Variants in NAP1L1 observed in about 807,000 individuals in gnomAD.
The protein encoded by NAP1L1 is nucleosome assembly protein 1 like 1.
A neutral mutation model predicts 58.9 loss-of-function variants in NAP1L1; 9 were observed. The ratio of observed to expected loss-of-function variants is 0.15; its 90% confidence interval spans 0.09 to 0.27. NAP1L1 has a LOEUF of 0.27. NAP1L1 is among the 10% of genes least tolerant of loss of function. The probability of loss-of-function intolerance (pLI) is 1.00; values close to 1 mark genes in which losing one functional copy is unlikely to be tolerated. For missense variants in NAP1L1, 302 were observed against 458.8 expected (o/e 0.66, Z 3.12); for synonymous variants, 130 against 138.3 (o/e 0.94, Z 0.42).
Position 76,055,143 on chromosome 12 carries a change from T to C in NAP1L1, c.559-53A>G, listed in dbSNP as rs973541804. On this transcript the variant is annotated intron_variant, in intron 7 of 14. Transcript: ENST00000618691. ...AATAACATGGCATTCGAGGACTGTG[T>C]TCTGTTACTACACAAACACCAGCTG... 1.1e-5 allele frequency: 14 copies of C among 1,271,150 alleles called. No homozygotes were observed. In the African/African-American group the frequency reaches 2.1e-4, roughly 19 times the overall value. The allele number at this position is 1,271,150 out of a possible 1,614,324, so 78.7% of individuals were successfully genotyped here. A position where few individuals can be genotyped will look rare whatever the true frequency, so the allele number is the denominator to read the frequency against.
chr12:76,048,656 G>A (rs1392277418), intron 14 of NAP1L1, among the ~76,000 whole-genome samples, 192 bp from the exon 15 acceptor site: 2 of 151,974 alleles, frequency 1.3e-5, no homozygotes, highest in African/African-American at 4.8e-5. Flanking sequence ...ACTTTACACT[G>A]TAGAATTAAC....
chr12:76,074,292 A>T, intron 1 of NAP1L1, 53 bp from the exon 2 acceptor site: 1 of 1,505,686 alleles, frequency 6.6e-7, no homozygotes, highest in Non-Finnish European at 8.8e-7. Context: ...TATTAAAAAA[A>T]AATAAGAAAC....
rs143604052 is a variant in NAP1L1 at position 76,076,826 on chromosome 12, C to T, written c.-20-2587G>A. Among the ~76,000 whole-genome samples, 631 of 152,036 alleles carry T rather than the reference C, an allele frequency of 4.2e-3. 3 individuals are homozygous for T. Among genetic ancestry groups the T allele is most frequent in the African/African-American group, 0.014 (577 of 41,446 alleles). Reference sequence around the variant, plus strand: ...ACTTACACAAACCTAGATGGTATAGCCTACTACGCACCTAGGCTATGATAT... The same window carrying T: ...ACTTACACAAACCTAGATGGTATAGTCTACTACGCACCTAGGCTATGATAT... On this transcript the variant is annotated intron_variant, in intron 1 of 14. Coordinates refer to ENST00000618691, the MANE Select transcript of NAP1L1 (RefSeq NM_004537.7).
At chr12:76,069,471 A>G (rs1196332310) in intron 2 of NAP1L1, among the ~76,000 whole-genome samples, 1 of 152,234 alleles carries the variant, frequency 6.6e-6, no homozygotes, top group African/African-American at 2.4e-5. Context: ...GATGGTAGAT[A>G]GCTGGGAAGC....
In NAP1L1 at chr12:76,037,506, T is replaced by C. The variant is rs1206130063; in HGVS notation, c.*10923A>G. The C allele has an allele frequency of 6.6e-6, 1 of 152,286 alleles. No homozygotes were observed. Among genetic ancestry groups the C allele is most frequent in the East Asian group, 1.9e-4 (1 of 5,198 alleles). The allele number at this position is 152,286 out of a possible 1,614,324, so 9.4% of individuals were successfully genotyped here. A position where few individuals can be genotyped will look rare whatever the true frequency, so the allele number is the denominator to read the frequency against. On this transcript the variant is annotated 3_prime_UTR_variant, in exon 15 of 15. Coordinates refer to ENST00000618691, the MANE Select transcript of NAP1L1 (RefSeq NM_004537.7). ...CTGATCCATACTCATACACATGGCC[T>C]TCAGTTTTACTCTTAAAACATGACA... is the stretch of plus-strand genomic sequence containing the variant.
At chr12:76,065,417 T>C (rs762544595) in intron 4 of NAP1L1, among the ~76,000 whole-genome samples, 2 of 151,844 alleles carry the variant, frequency 1.3e-5, no homozygotes, top group East Asian at 1.9e-4. Context: ...TAATGTAATG[T>C]GGAAGAACAG....
At chr12:76,057,447 G>A in intron 6 of NAP1L1, 1 of 598,052 alleles carries the variant, frequency 1.7e-6, no homozygotes, top group Non-Finnish European at 3.0e-6. Context: ...GGAGGCCCTG[G>A]CCGGGGAAAC....
chr12:76,076,662 C>G (rs1950194878), intron 1 of NAP1L1, among the ~76,000 whole-genome samples: 1 of 148,554 alleles, frequency 6.7e-6, no homozygotes, highest in Admixed American at 6.8e-5. Context: ...AAAAACCTAA[C>G]CAGAGTAACC....
intron 11 of NAP1L1, among the ~76,000 whole-genome samples, chr12:76,051,285 G>A (rs973504705): frequency 1.3e-5 from 2 of 150,956 alleles, no homozygotes; most frequent in East Asian, 1.9e-4. Context: ...TTACATGTCC[G>A]CAATTTTCCT....
chr12:76,081,294 T>C (rs1950398520), intron 1 of NAP1L1, among the ~76,000 whole-genome samples: 1 of 152,184 alleles, frequency 6.6e-6, no homozygotes. Flanking sequence ...AAAATGTTGA[T>C]GCTACCTGTC....
rs1565744852 is a variant in NAP1L1, at chr12:76,074,181, GAACC to G, written c.17+18_17+21del. 4 of 1,573,138 alleles carry G rather than the reference GAACC, an allele frequency of 2.5e-6. No homozygotes were observed. The highest frequency in any genetic ancestry group is 2.7e-5 in the African/African-American group (2 of 73,740). On this transcript the variant is annotated intron_variant, in intron 2 of 14. Transcript: ENST00000618691. ...AAAGTGATGCCAAATCTCTGAAAAAGAACCAACTCTCTGCCACTTACTTGTCAAT... is the reference window on the plus strand; with the variant it reads ...AAAGTGATGCCAAATCTCTGAAAAAGAACTCTCTGCCACTTACTTGTCAAT...
chr12:76,063,446 T>C lies in NAP1L1; in HGVS notation c.207-3167A>G, dbSNP rs191099517. ...AAATAAATTAAAAAATAGAGAAAGA[T>C]GGCAGCAATAAATCCAAAAACAATA... On this transcript the variant is annotated intron_variant, in intron 4 of 14. Coordinates refer to ENST00000618691, the MANE Select transcript of NAP1L1 (RefSeq NM_004537.7). Among the ~76,000 whole-genome samples the C allele has an allele frequency of 6.1e-3, 933 of 152,274 alleles. 12 individuals are homozygous for C. Among genetic ancestry groups the C allele is most frequent in the Admixed American group, 0.018 (283 of 15,300 alleles).
chr12:76,084,352 G>A (rs1481913570), intron 1 of NAP1L1, among the ~76,000 whole-genome samples: 8 of 152,096 alleles, frequency 5.3e-5, no homozygotes, highest in Admixed American at 5.2e-4. Context: ...AGCCGTCCCC[G>A]ATAAAAGCGC....
At chr12:76,069,831 A>C (rs1462776259) in intron 2 of NAP1L1, among the ~76,000 whole-genome samples, 2 of 152,134 alleles carry the variant, frequency 1.3e-5, no homozygotes, top group Non-Finnish European at 2.9e-5. Flanking sequence ...TCTTAAAAAA[A>C]AAAAATCACC....
At chr12:76,068,739 C>G in intron 3 of NAP1L1, 170 bp downstream of exon 3, 1 of 370,484 alleles carries the variant, frequency 2.7e-6, no homozygotes, top group Non-Finnish European at 4.9e-6. Flanking sequence ...GCCCCTTACA[C>G]ACACACACAC....
At chr12:76,078,549 T>C (rs968769122) in intron 1 of NAP1L1, among the ~76,000 whole-genome samples, 3 of 152,190 alleles carry the variant, frequency 2.0e-5, no homozygotes, top group Non-Finnish European at 2.9e-5. Context: ...CCTACAGACA[T>C]AGTAAGCCTG....
At chr12:76,052,266 CAAAA>C (rs546950800) in intron 11 of NAP1L1, among the ~76,000 whole-genome samples, 5 of 150,484 alleles carry the variant, frequency 3.3e-5, no homozygotes, top group African/African-American at 1.2e-4. Flanking sequence ...AACAAACAAA[CAAAA>C]AAAAACCCCA....
rs1948581870 is a variant in NAP1L1 at position 76,044,696 on chromosome 12, G to A, written c.*3733C>T. The A allele has an allele frequency of 1.3e-5, 2 of 152,130 alleles. No individual in the cohort carries two copies. The highest frequency in any genetic ancestry group is 2.9e-5 in the Non-Finnish European group (2 of 68,006). 9.4% of individuals were successfully genotyped at this position (152,130 alleles called of 1,614,324 possible). On this transcript the variant is annotated 3_prime_UTR_variant, in exon 15 of 15. Coordinates refer to ENST00000618691, the MANE Select transcript of NAP1L1 (RefSeq NM_004537.7). ...GATTTTAGTGAATAACTTAATTTTT[G>A]TAAACTGGAAAACCTGACAATATGA...
intron 1 of NAP1L1, among the ~76,000 whole-genome samples, chr12:76,076,033 C>T (rs1050723420): frequency 5.9e-5 from 9 of 152,088 alleles, no homozygotes; most frequent in African/African-American, 9.7e-5. Flanking sequence ...AAAATATGTC[C>T]ATCTCCAGAT....
Sources: allele counts gnomAD v4.1 joint callset (sites outside exome capture counted in the v4.1 genomes callset), GRCh38; gene constraint gnomAD v4.1.1; transcripts MANE v1.5; gene names NCBI Gene and HGNC (gene_info 2026-07-23, HGNC 2026-07-21).